Variants in CIMAP2 observed in about 807,000 individuals in gnomAD.
The protein encoded by CIMAP2 is ciliary microtubule associated protein 2, also known as ciliary microtubule-associated protein 2.
chr1:54,834,895 T>C, the CIMAP2 span, among the ~76,000 whole-genome samples: 1 of 152,210 alleles, frequency 6.6e-6, no homozygotes, highest in Non-Finnish European at 1.5e-5. Flanking sequence ...AAGCTCAACC[T>C]GTACCACTAA....
the CIMAP2 span, among the ~76,000 whole-genome samples, chr1:54,839,869 G>A: frequency 6.6e-6 from 1 of 152,086 alleles, no homozygotes; most frequent in African/African-American, 2.4e-5. Flanking sequence ...TCCCACCTCA[G>A]GCTCCCAAGT....
the CIMAP2 span, among the ~76,000 whole-genome samples, chr1:54,817,772 AGGACCAGAT>A: frequency 1.0e-5 from 1 of 100,158 alleles, no homozygotes; most frequent in African/African-American, 3.3e-5. Flanking sequence ...CCAGATTCTG[AGGACCAGAT>A]TTCTCAGGAG....
the CIMAP2 span, among the ~76,000 whole-genome samples, chr1:54,813,297 T>G: frequency 6.6e-6 from 1 of 152,188 alleles, no homozygotes; most frequent in South Asian, 2.1e-4. Flanking sequence ...GTTGAAGAAC[T>G]GATACGTCAT....
At chr1:54,814,786 C>G in the CIMAP2 span, 1 of 1,351,724 alleles carries the variant, frequency 7.4e-7, no homozygotes, top group South Asian at 1.4e-5. Context: ...GTACCTCCAC[C>G]GTCCTTGGCT....
chr1:54,814,713 G>T, the CIMAP2 span, among the ~76,000 whole-genome samples: 1 of 152,238 alleles, frequency 6.6e-6, no homozygotes, highest in Non-Finnish European at 1.5e-5. Context: ...ATCAGGCTGT[G>T]ATGGGTGTTT....
chr1:54,819,976 TTTTC>T, the CIMAP2 span, among the ~76,000 whole-genome samples: 716 of 135,722 alleles, frequency 5.3e-3, 18 homozygotes, highest in African/African-American at 0.019. Flanking sequence ...CTTTCTTTCT[TTTTC>T]TCTCTTTCTT....
At chr1:54,816,843 G>C in the CIMAP2 span, 1 of 1,065,292 alleles carries the variant, frequency 9.4e-7, no homozygotes. Flanking sequence ...GGTTGCTCGG[G>C]GTTGGGACCT....
chr1:54,807,019 C>G, the CIMAP2 span: 1 of 1,614,096 alleles, frequency 6.2e-7, no homozygotes, highest in East Asian at 2.2e-5. Flanking sequence ...GCTGTTTATC[C>G]CAACTGGAAG....
the CIMAP2 span, chr1:54,812,049 AG>A: frequency 6.2e-7 from 1 of 1,614,048 alleles, no homozygotes; most frequent in South Asian, 1.1e-5. Context: ...GCTCTAGGGG[AG>A]TGGTCTGGGA....
the CIMAP2 span, chr1:54,807,555 CAA>C: frequency 1.3e-6 from 2 of 1,593,786 alleles, no homozygotes; most frequent in Admixed American, 1.8e-5. Flanking sequence ...CTTACAGCTC[CAA>C]AGAGACCTGC....
At chr1:54,834,868 A>C in the CIMAP2 span, among the ~76,000 whole-genome samples, 4 of 152,218 alleles carry the variant, frequency 2.6e-5, no homozygotes, top group Non-Finnish European at 4.4e-5. Context: ...TTTGGATTTT[A>C]GATTTTCAGA....
chr1:54,810,149 C>T, the CIMAP2 span, among the ~76,000 whole-genome samples: 15 of 152,256 alleles, frequency 9.9e-5, no homozygotes, highest in East Asian at 1.5e-3. Context: ...CTTGGTATAA[C>T]CCTCATCTTC....
the CIMAP2 span, chr1:54,814,018 G>A: frequency 1.3e-6 from 2 of 1,548,190 alleles, no homozygotes; most frequent in Non-Finnish European, 1.7e-6. Flanking sequence ...TCGGAGGGCA[G>A]CTCTCCTTCC....
At chr1:54,836,259 GCCCT>G in the CIMAP2 span, among the ~76,000 whole-genome samples, 2 of 146,710 alleles carry the variant, frequency 1.4e-5, no homozygotes, top group Non-Finnish European at 3.0e-5. Context: ...CTCCCCCTTC[GCCCT>G]CCCGCCTGCC....
chr1:54,822,927 C>T, the CIMAP2 span, among the ~76,000 whole-genome samples: 121 of 152,270 alleles, frequency 7.9e-4, no homozygotes, highest in Non-Finnish European at 1.4e-3. Context: ...TTATTGTGGT[C>T]TGAGGAGATA....
At chr1:54,811,775 C>CGGG in the CIMAP2 span, 1 of 484,772 alleles carries the variant, frequency 2.1e-6, no homozygotes, top group Non-Finnish European at 4.0e-6. Context: ...GCCTCCATGC[C>CGGG]CCCACCCCCG....
chr1:54,807,039 A>C, the CIMAP2 span: 1 of 1,614,110 alleles, frequency 6.2e-7, no homozygotes, highest in Non-Finnish European at 8.5e-7. Flanking sequence ...GAAGTTCAGC[A>C]CCTTCACTGA....
the CIMAP2 span, among the ~76,000 whole-genome samples, chr1:54,811,211 C>T: frequency 6.6e-6 from 1 of 152,216 alleles, no homozygotes; most frequent in South Asian, 2.1e-4. Flanking sequence ...CAGTCCTTCC[C>T]TGTCACAGCA....
At chr1:54,812,275 T>C in the CIMAP2 span, 2 of 1,553,530 alleles carry the variant, frequency 1.3e-6, no homozygotes, top group Non-Finnish European at 1.8e-6. Context: ...CACCAGCCTG[T>C]GTGCCAGGCT....
Sources: gnomAD v4.1 joint callset for allele counts (sites outside exome capture counted in the v4.1 genomes callset) on GRCh38, gnomAD v4.1.1 for gene constraint, MANE v1.5 for transcripts, NCBI Gene and HGNC (gene_info 2026-07-23, HGNC 2026-07-21) for gene names.